The following RIT2 variants were observed in gnomAD, a reference collection of about 807,000 sequenced individuals.
RIT2 encodes Ras like without CAAX 2.
In RIT2, 24 loss-of-function variants were observed where a neutral mutation model predicts 23.7. The observed-to-expected ratio is 1.01, with a 90% confidence interval of 0.73 to 1.43. The LOEUF is 1.43. RIT2 is among the 40% of genes most tolerant of loss of function. The pLI is 0.00. For synonymous variants in RIT2, 107 were observed against 91.1 expected (o/e 1.17, Z -0.99); for missense variants, 236 against 266.9 (o/e 0.88, Z 0.81).
chr18:43,051,475 C>A (rs1367355414), intron 1 of RIT2, among the ~76,000 whole-genome samples: 2 of 151,916 alleles, frequency 1.3e-5, no homozygotes, highest in African/African-American at 2.4e-5. Flanking sequence ...ACAGGTTGAA[C>A]AAGACAAAAA....
intron 3 of RIT2, among the ~76,000 whole-genome samples, chr18:42,940,272 A>ATATATATG (rs1355978237): frequency 7.0e-6 from 1 of 142,192 alleles, no homozygotes; most frequent in African/African-American, 2.6e-5. Flanking sequence ...ATATATATGC[A>ATATATATG]CACACACATT....
At chr18:43,056,263 A>G (rs1206183854) in intron 1 of RIT2, among the ~76,000 whole-genome samples, 1 of 152,110 alleles carries the variant, frequency 6.6e-6, no homozygotes, top group Non-Finnish European at 1.5e-5. Context: ...GTCACTGACA[A>G]AAACAAAGTC....
intron 4 of RIT2, among the ~76,000 whole-genome samples, chr18:42,758,506 C>A (rs962898016): frequency 6.7e-6 from 1 of 148,988 alleles, no homozygotes; most frequent in African/African-American, 2.5e-5. Flanking sequence ...TTTGATAACC[C>A]TTGTTTTATT....
chr18:42,965,711 CTTTTTTTTTTTT>C (rs58344278), intron 3 of RIT2, among the ~76,000 whole-genome samples: 38 of 37,772 alleles, frequency 1.0e-3, no homozygotes, highest in African/African-American at 1.8e-3. Context: ...GTACTGATGG[CTTTTTTTTTTTT>C]TTTTTTTTTT....
rs1909562168 is a variant in RIT2 at position 42,940,235 on chromosome 18, A to ATTAT, written c.235-16473_235-16472insATAA. Among the ~76,000 whole-genome samples, 5 of 40,564 alleles carry ATTAT rather than the reference A, an allele frequency of 1.2e-4. No individual in the cohort carries two copies. The South Asian group carries it at 4.2e-3, about 34-fold the overall frequency. The allele number at this position is 40,564 out of a possible 152,430, so 26.6% of individuals were successfully genotyped here. A position where few individuals can be genotyped will look rare whatever the true frequency, so the allele number is the denominator to read the frequency against. The stretch of plus-strand genomic sequence containing the variant: ...TCCTCTCTCAAATTTTGAAAGGCTC[A>ATTAT]CTATATATATATATATATATATATA... On this transcript the variant is annotated intron_variant, in intron 3 of 4. Transcript: ENST00000326695.
chr18:43,023,130 C>A (rs547678756), intron 2 of RIT2, among the ~76,000 whole-genome samples: 26 of 151,986 alleles, frequency 1.7e-4, no homozygotes, highest in Non-Finnish European at 2.1e-4. Flanking sequence ...GTCATATTTT[C>A]CCATGTAAGA....
rs766666447 is a variant in RIT2, at chr18:42,954,510, G to T, written c.234+19564C>A. On this transcript the variant is annotated intron_variant, in intron 3 of 4. Coordinates refer to ENST00000326695, the MANE Select transcript of RIT2 (RefSeq NM_002930.4). ...AAAGAAAATAGAGAGTAATCAATTT[G>T]ATCTAGTCCATGATCCTTCTGAAGC... 5.9e-4 allele frequency among the ~76,000 whole-genome samples: 90 copies of T among 151,832 alleles called. 1 individual carries two copies. Among genetic ancestry groups the T allele is most frequent in the Middle Eastern group, 3.4e-3 (1 of 294 alleles).
At chr18:43,056,420 A>G (rs1465949574) in intron 1 of RIT2, among the ~76,000 whole-genome samples, 1 of 152,042 alleles carries the variant, frequency 6.6e-6, no homozygotes, top group Non-Finnish European at 1.5e-5. Context: ...AAACTAATAA[A>G]CATTTATTGC....
At chr18:43,000,732 A>C (rs1911085340) in intron 2 of RIT2, among the ~76,000 whole-genome samples, 1 of 151,984 alleles carries the variant, frequency 6.6e-6, no homozygotes, top group Non-Finnish European at 1.5e-5. Context: ...ACCCCCCTGC[A>C]GCCATGTAAG....
intron 4 of RIT2, among the ~76,000 whole-genome samples, chr18:42,750,628 G>A (rs1410214595): frequency 6.6e-6 from 1 of 151,726 alleles, no homozygotes; most frequent in Non-Finnish European, 1.5e-5. Context: ...GTCACAAAAA[G>A]TGAGTTGAGT....
intron 3 of RIT2, among the ~76,000 whole-genome samples, chr18:42,928,050 A>C (rs1447065033): frequency 6.6e-6 from 1 of 151,830 alleles, no homozygotes; most frequent in Non-Finnish European, 1.5e-5. Context: ...GTTATTAGCA[A>C]CTCCCAGTAA....
chr18:42,973,103 GC>G (rs1910398857), intron 3 of RIT2, among the ~76,000 whole-genome samples: 1 of 151,414 alleles, frequency 6.6e-6, no homozygotes, highest in African/African-American at 2.4e-5. Context: ...GGCTACTTTT[GC>G]CTACCTTTTT....
chr18:42,953,830 T>C (rs184705187), intron 3 of RIT2, among the ~76,000 whole-genome samples: 29 of 152,288 alleles, frequency 1.9e-4, no homozygotes, highest in Middle Eastern at 3.4e-3. Context: ...TACTTTAGAA[T>C]AATAGTAGAG....
At chr18:42,781,675 A>G (rs879651417) in intron 4 of RIT2, among the ~76,000 whole-genome samples, 9 of 152,148 alleles carry the variant, frequency 5.9e-5, no homozygotes, top group Non-Finnish European at 1.2e-4. Context: ...AGTGCATATG[A>G]GCTAGTTCTG....
At chr18:42,795,861 G>A (rs1450982524) in intron 4 of RIT2, among the ~76,000 whole-genome samples, 2 of 152,146 alleles carry the variant, frequency 1.3e-5, no homozygotes, top group African/African-American at 4.8e-5. Context: ...AGCTACTCTG[G>A]TGGGGCCTTG....
intron 4 of RIT2, among the ~76,000 whole-genome samples, chr18:42,776,227 A>C (rs765442510): frequency 2.0e-5 from 3 of 152,196 alleles, no homozygotes; most frequent in Non-Finnish European, 4.4e-5. Flanking sequence ...AAGAGCAAAG[A>C]CACCTGAGAA....
rs193137413 is a variant in RIT2 at position 42,884,917 on chromosome 18, C to T, written c.426+38655G>A. 3.4e-3 allele frequency among the ~76,000 whole-genome samples: 512 copies of T among 152,304 alleles called. 3 individuals are homozygous for T. Among genetic ancestry groups the T allele is most frequent in the African/African-American group, 0.012 (492 of 41,564 alleles). Reference sequence around the variant, plus strand: ...AAGTTATTTGCACTTAAAATATCCACCCCATCATTCTTGCTCACTTTTTAA... The same window carrying T: ...AAGTTATTTGCACTTAAAATATCCATCCCATCATTCTTGCTCACTTTTTAA... On this transcript the variant is annotated intron_variant, in intron 4 of 4. Coordinates refer to ENST00000326695, the MANE Select transcript of RIT2 (RefSeq NM_002930.4).
intron 2 of RIT2, among the ~76,000 whole-genome samples, chr18:43,000,585 T>G (rs941391373): frequency 6.6e-6 from 1 of 152,116 alleles, no homozygotes; most frequent in Non-Finnish European, 1.5e-5. Context: ...CATCTCAAAT[T>G]ATAATCCCCA....
At chr18:42,947,096 G>A (rs192170971) in intron 3 of RIT2, among the ~76,000 whole-genome samples, 1 of 152,162 alleles carries the variant, frequency 6.6e-6, no homozygotes, top group African/African-American at 2.4e-5. Context: ...AAGCAATTGG[G>A]AAATGATTCA....
Sources: allele counts gnomAD v4.1 joint callset (sites outside exome capture counted in the v4.1 genomes callset), GRCh38; gene constraint gnomAD v4.1.1; transcripts MANE v1.5; gene names NCBI Gene and HGNC (gene_info 2026-07-23, HGNC 2026-07-21).